Variants in SCAPER observed in about 807,000 individuals in gnomAD.
SCAPER encodes the protein S-phase cyclin A associated protein in the ER.
Under a neutral mutation model 182.2 loss-of-function variants are expected in SCAPER, and 98 were observed. That is an observed-to-expected ratio of 0.54 (90% CI 0.46 to 0.64). The LOEUF is 0.64. Ranked by LOEUF, SCAPER falls within the 30% of genes least tolerant of loss-of-function variation. The pLI is 0.00. For synonymous variants in SCAPER, 605 were observed against 564.6 expected, an observed-to-expected ratio of 1.07 and a Z score of -1.01; for missense variants, 1,432 against 1,690.0, an observed-to-expected ratio of 0.85 and a Z score of 2.68.
chr15:76,814,924 CAAA>C (rs60778649), intron 5 of SCAPER, among the ~76,000 whole-genome samples: 57,410 of 151,510 alleles, frequency 0.38, 12,870 homozygotes, highest in Middle Eastern at 0.53. Context: ...TAACAGGAAA[CAAA>C]TAACAGATTT....
intron 5 of SCAPER, among the ~76,000 whole-genome samples, chr15:76,826,664 CAA>C (rs751037098): frequency 1.3e-4 from 19 of 150,768 alleles, no homozygotes; most frequent in Admixed American, 6.6e-4. Flanking sequence ...CCTCCTAAAA[CAA>C]AGTCTTTAAA....
chr15:76,781,584 T>G (rs1162845923), intron 8 of SCAPER, among the ~76,000 whole-genome samples: 1 of 152,068 alleles, frequency 6.6e-6, no homozygotes, highest in Non-Finnish European at 1.5e-5. Flanking sequence ...AGACACATAA[T>G]TGTCAGATTC....
chr15:76,377,308 C>CA (rs1567022131), intron 28 of SCAPER, among the ~76,000 whole-genome samples: 2 of 151,898 alleles, frequency 1.3e-5, no homozygotes, highest in East Asian at 1.9e-4. Context: ...AGCCCCAAAA[C>CA]AAAAAAATGT....
chr15:76,579,090 C>T (rs1705284161), intron 22 of SCAPER, among the ~76,000 whole-genome samples: 1 of 122,906 alleles, frequency 8.1e-6, no homozygotes. Flanking sequence ...CACGGTGAAA[C>T]CCTGCCTTGA....
intron 3 of SCAPER, among the ~76,000 whole-genome samples, chr15:76,858,807 C>A (rs544927034): frequency 7.4e-6 from 1 of 135,514 alleles, no homozygotes; most frequent in South Asian, 2.8e-4. Flanking sequence ...TGATTTCATT[C>A]TTTTTATGGC....
At chr15:76,885,037 C>A (rs1329786006) in intron 1 of SCAPER, among the ~76,000 whole-genome samples, 1 of 152,180 alleles carries the variant, frequency 6.6e-6, no homozygotes, top group Admixed American at 6.5e-5. Context: ...ATGAGAGTAA[C>A]TGCTAATAAG....
intron 20 of SCAPER, among the ~76,000 whole-genome samples, chr15:76,695,156 G>GT (rs2058584764): frequency 6.6e-6 from 1 of 152,140 alleles, no homozygotes; most frequent in Non-Finnish European, 1.5e-5. Context: ...AGCTACTAGT[G>GT]TAACTCTAAG....
intron 23 of SCAPER, among the ~76,000 whole-genome samples, chr15:76,572,282 T>G (rs1264130668): frequency 6.6e-6 from 1 of 152,228 alleles, no homozygotes; most frequent in African/African-American, 2.4e-5. Context: ...GCCTTTTAAT[T>G]CAAAGTACTC....
chr15:76,894,182 G>A (rs1423797386), intron 1 of SCAPER, among the ~76,000 whole-genome samples: 2 of 152,144 alleles, frequency 1.3e-5, no homozygotes, highest in East Asian at 3.8e-4. Flanking sequence ...ACCCTGGGAG[G>A]TGGAGGTTGC....
intron 10 of SCAPER, among the ~76,000 whole-genome samples, chr15:76,769,079 G>A (rs1406390877): frequency 1.3e-5 from 2 of 151,990 alleles, no homozygotes; most frequent in Non-Finnish European, 2.9e-5. Context: ...GAAAATTTTT[G>A]CAATCTACCC....
chr15:76,880,086 G>A (rs186018513), intron 2 of SCAPER, among the ~76,000 whole-genome samples: 8 of 152,264 alleles, frequency 5.3e-5, no homozygotes, highest in African/African-American at 1.9e-4. Context: ...GGTTTGCCCC[G>A]CTAAGCACAA....
At chr15:76,544,876 G>T (rs2045121927) in intron 23 of SCAPER, among the ~76,000 whole-genome samples, 1 of 152,250 alleles carries the variant, frequency 6.6e-6, no homozygotes, top group Non-Finnish European at 1.5e-5. Context: ...ACACTCAATG[G>T]TTTTGGTATA....
intron 5 of SCAPER, among the ~76,000 whole-genome samples, chr15:76,823,064 T>C (rs542265444): frequency 6.6e-6 from 1 of 152,262 alleles, no homozygotes; most frequent in Non-Finnish European, 1.5e-5. Context: ...ATCATTTGTA[T>C]TATAAATGCA....
At chr15:76,683,896 T>G (rs1369914252) in intron 20 of SCAPER, among the ~76,000 whole-genome samples, 2 of 152,068 alleles carry the variant, frequency 1.3e-5, no homozygotes, top group East Asian at 3.9e-4. Context: ...GGCCAAGAGT[T>G]GGAGTTCAGC....
At chr15:76,693,002 G>A (rs192378698) in intron 20 of SCAPER, among the ~76,000 whole-genome samples, 12 of 152,080 alleles carry the variant, frequency 7.9e-5, no homozygotes, top group South Asian at 6.2e-4. Context: ...TTCAATTACC[G>A]ATTGAGAGGG....
intron 25 of SCAPER, among the ~76,000 whole-genome samples, chr15:76,452,311 T>C (rs1019573954): frequency 6.6e-6 from 1 of 152,240 alleles, no homozygotes; most frequent in Non-Finnish European, 1.5e-5. Context: ...GTCTTTTCCC[T>C]GCAGCTATAC....
chr15:76,362,339 C>T (rs569645569), intron 29 of SCAPER, among the ~76,000 whole-genome samples: 2 of 151,812 alleles, frequency 1.3e-5, no homozygotes, highest in South Asian at 4.2e-4. Context: ...ATAGTTTATT[C>T]CCTGACCATA....
chr15:76,478,367 TTA>T lies in SCAPER; in HGVS notation c.2955-7034_2955-7033del, dbSNP rs2050829448. 3.9e-5 allele frequency among the ~76,000 whole-genome samples: 6 copies of T among 152,194 alleles called. No homozygotes were observed. The South Asian group carries it at 8.3e-4, about 21-fold the overall frequency. ...GCTTAACTTTTATCTTCCATTTTGCTTATGTTATTTTAAAGTTTTTAAAAATA... is the reference window on the plus strand; with the variant it reads ...GCTTAACTTTTATCTTCCATTTTGCTTGTTATTTTAAAGTTTTTAAAAATA... On this transcript the variant is annotated intron_variant, in intron 24 of 31. Coordinates refer to ENST00000563290, the MANE Select transcript of SCAPER (RefSeq NM_020843.4).
intron 26 of SCAPER, among the ~76,000 whole-genome samples, chr15:76,425,220 T>C (rs1053842543): frequency 6.6e-6 from 1 of 152,250 alleles, no homozygotes; most frequent in African/African-American, 2.4e-5. Context: ...TTTTCCAACT[T>C]GGTTCCATTC....
Sources: gnomAD v4.1 joint callset for allele counts (sites outside exome capture counted in the v4.1 genomes callset) on GRCh38, gnomAD v4.1.1 for gene constraint, MANE v1.5 for transcripts, NCBI Gene and HGNC (gene_info 2026-07-23, HGNC 2026-07-21) for gene names.